The following DCLRE1C variants were observed in gnomAD, a reference collection of about 807,000 sequenced individuals.
The protein encoded by DCLRE1C is protein artemis.
Under a neutral mutation model 61.4 loss-of-function variants are expected in DCLRE1C, and 47 were observed. The ratio of observed to expected loss-of-function variants is 0.77; its 90% CI spans 0.61 to 0.98. The LOEUF (loss-of-function observed/expected upper bound fraction) is 0.98, where lower values mean the gene tolerates loss of function less well. DCLRE1C is among the 50% of genes least tolerant of loss of function. The pLI is 0.00. For missense variants in DCLRE1C, 858 were observed against 816.0 expected, an observed-to-expected ratio of 1.05 and a Z score of -0.63; for synonymous variants, 337 against 287.6, an observed-to-expected ratio of 1.17 and a Z score of -1.74.
intron 13 of DCLRE1C, among the ~76,000 whole-genome samples, chr10:14,918,594 G>A (rs1394555825): frequency 3.4e-5 from 5 of 146,524 alleles, no homozygotes; most frequent in African/African-American, 1.3e-4. Context: ...TACATGTGCA[G>A]TTTATATCAA....
At position 14,934,442 on chromosome 10, in the gene DCLRE1C, A is replaced by T; in HGVS notation, c.616T>A (p.Cys206Ser). ...TATTCATAGCCATAAGCCGCTTTGC[A>T]GTTCAGCCACACAACATGGTACGGG... is the stretch of plus-strand genomic sequence containing the variant. The part of the protein sequence containing the change: ...RSPYHVVWLN[C>S]KAAYGYEYLF... The change falls in exon 8 of 14, where the codon TGC becomes AGC. Residue 206 changes from cysteine to serine, a missense_variant. Cys to Ser is a moderately radical substitution (Grantham distance 112, BLOSUM62 -1). Coordinates refer to ENST00000378278, the MANE Select transcript of DCLRE1C (RefSeq NM_001033855.3). 1 of 1,614,212 alleles carries T rather than the reference A, an allele frequency of 6.2e-7. No individual in the cohort carries two copies. Among genetic ancestry groups the T allele is most frequent in the Non-Finnish European group, 8.5e-7 (1 of 1,180,046 alleles).
intron 3 of DCLRE1C, among the ~76,000 whole-genome samples, chr10:14,944,293 G>A (rs1226993517): frequency 1.3e-5 from 2 of 152,146 alleles, no homozygotes; most frequent in Non-Finnish European, 2.9e-5. Flanking sequence ...GAAGTCAGGA[G>A]TTTGAGACCT....
rs557596969 is a variant in DCLRE1C, at chr10:14,907,548, T to C, written c.*860A>G. Among the ~76,000 whole-genome samples the C allele has an allele frequency of 2.0e-5, 3 of 152,238 alleles. No individual in the cohort carries two copies. Among genetic ancestry groups the C allele is most frequent in the Non-Finnish European group, 4.4e-5 (3 of 68,008 alleles). On this transcript the variant is annotated 3_prime_UTR_variant, in exon 14 of 14. Coordinates refer to ENST00000378278, the MANE Select transcript of DCLRE1C (RefSeq NM_001033855.3). ...TGTAATTGTGCATTAGTTTGTCTCT[T>C]TTCAGCTGTTCTAGCTTCATAAATT... is the stretch of plus-strand genomic sequence containing the variant.
intron 12 of DCLRE1C, 75 bp from the exon 13 acceptor site, chr10:14,919,907 A>C (rs936372610): frequency 8.0e-7 from 1 of 1,250,804 alleles, no homozygotes; most frequent in Non-Finnish European, 1.2e-6. Flanking sequence ...ATAGTATTAC[A>C]AATTTTTTTG....
chr10:14,945,656 T>C, intron 2 of DCLRE1C: 1 of 711,288 alleles, frequency 1.4e-6, no homozygotes, highest in Non-Finnish European at 1.7e-6. Context: ...GTCTATTCTT[T>C]TTTTTTTTTT....
At chr10:14,953,148 G>T (rs12246982) in intron 1 of DCLRE1C, among the ~76,000 whole-genome samples, 13,899 of 152,196 alleles carry the variant, frequency 0.091, 1,307 homozygotes, top group East Asian at 0.28. Flanking sequence ...TTAGCACAAT[G>T]AGCATTAAAA....
intron 13 of DCLRE1C, among the ~76,000 whole-genome samples, chr10:14,912,247 G>A (rs1835378482): frequency 1.3e-5 from 2 of 152,092 alleles, no homozygotes; most frequent in Non-Finnish European, 2.9e-5. Flanking sequence ...GCAGAGACAA[G>A]TTTTCACCAT....
intron 9 of DCLRE1C, among the ~76,000 whole-genome samples, chr10:14,931,187 CAA>C (rs1414014522): frequency 1.3e-5 from 2 of 152,120 alleles, no homozygotes; most frequent in Admixed American, 6.5e-5. Context: ...TTAATTGAAA[CAA>C]TATTTTTTAA....
rs564029722 is a variant in DCLRE1C, at chr10:14,951,540, G to A, written c.109+2362C>T. Among the ~76,000 whole-genome samples the A allele has an allele frequency of 7.8e-4, 118 of 151,964 alleles. 1 individual carries two copies. The highest frequency in any genetic ancestry group is 1.3e-3 in the Non-Finnish European group (91 of 67,990). ...TACCATAGTTGGCCTTCACACCAGC[G>A]CTGTAAGGAAAGGTAGTGTTTTGGT... On this transcript the variant is annotated intron_variant, in intron 1 of 13. Transcript: ENST00000378278.
intron 2 of DCLRE1C, 50 bp from the exon 3 acceptor site, chr10:14,945,239 C>T: frequency 1.3e-6 from 2 of 1,541,548 alleles, no homozygotes; most frequent in Non-Finnish European, 1.8e-6. Flanking sequence ...AATGAGCCAT[C>T]TTGGTGACTA....
chr10:14,935,343 G>T (rs1839732830), intron 6 of DCLRE1C, 120 bp downstream of exon 6: 2 of 1,122,042 alleles, frequency 1.8e-6, no homozygotes, highest in Non-Finnish European at 2.6e-6. Context: ...GCACGTACCT[G>T]TTATCCCAGC....
chr10:14,941,330 C>A (rs1840818109), intron 3 of DCLRE1C, among the ~76,000 whole-genome samples: 1 of 152,138 alleles, frequency 6.6e-6, no homozygotes, highest in Non-Finnish European at 1.5e-5. Context: ...TGTTAGCCAG[C>A]CTGGAGTGCA....
Position 14,936,517 on chromosome 10 carries a change from CAAAA to C in DCLRE1C, c.362+17_362+20del. On this transcript the variant is annotated intron_variant, in intron 5 of 13. Coordinates refer to ENST00000378278, the MANE Select transcript of DCLRE1C (RefSeq NM_001033855.3). ...TATGTGTCTACATATAATAAAATGACAAAATAAATGACCCCCTTACATAACTGAT... is the reference window on the plus strand; with the variant it reads ...TATGTGTCTACATATAATAAAATGACTAAATGACCCCCTTACATAACTGAT... 1 of 1,601,280 alleles carries C rather than the reference CAAAA, an allele frequency of 6.2e-7. No individual in the cohort carries two copies. Among genetic ancestry groups the C allele is most frequent in the Non-Finnish European group, 8.6e-7 (1 of 1,168,862 alleles).
exon 14 of DCLRE1C, chr10:14,898,185 G>T (rs1394801541): frequency 2.2e-5 from 3 of 137,022 alleles, no homozygotes; most frequent in East Asian, 2.2e-4. Flanking sequence ...CCAAAACTCA[G>T]TGAGGTAGTA....
downstream of DCLRE1C, among the ~76,000 whole-genome samples, chr10:14,900,628 G>A (rs150985488): frequency 5.3e-5 from 8 of 152,058 alleles, no homozygotes; most frequent in African/African-American, 1.4e-4. Flanking sequence ...TGCATATTCC[G>A]TAAGTTTACT....
Position 14,919,542 on chromosome 10 carries a change from GAGA to G in DCLRE1C, c.1156+193_1156+195del, listed in dbSNP as rs376747171. On this transcript the variant is annotated intron_variant, in intron 13 of 13. Transcript: ENST00000378278. ...CGTTTTCACCACTTGTTTTAACCCAGAGAAGGAGAGCAGACTCCTGATTTTACA... is the reference window on the plus strand; with the variant it reads ...CGTTTTCACCACTTGTTTTAACCCAGAGGAGAGCAGACTCCTGATTTTACA... 2.8e-3 allele frequency among the ~76,000 whole-genome samples: 420 copies of G among 152,280 alleles called. 4 individuals are homozygous for G. The highest frequency in any genetic ancestry group is 9.8e-3 in the African/African-American group (406 of 41,550).
intron 3 of DCLRE1C, among the ~76,000 whole-genome samples, chr10:14,943,621 C>G (rs1040437614): frequency 9.8e-5 from 15 of 152,320 alleles, no homozygotes; most frequent in African/African-American, 3.4e-4. Context: ...GGCACGATCT[C>G]AGCTCACTGC....
In DCLRE1C at chr10:14,932,020, C is replaced by T. The variant is rs182100765; in HGVS notation, c.780+834G>A. 3.5e-4 allele frequency among the ~76,000 whole-genome samples: 53 copies of T among 150,864 alleles called. 1 individual carries two copies. The highest frequency in any genetic ancestry group is 1.2e-3 in the African/African-American group (49 of 41,036). ...CTGCACTCCAACCTGGGCAACAGAG[C>T]AAGGCTCGTCTCAAAAATAAATAAA... On this transcript the variant is annotated intron_variant, in intron 9 of 13. Transcript: ENST00000378278.
Position 14,934,515 on chromosome 10 carries a change from C to T in DCLRE1C, c.543G>A (p.Glu181=), listed in dbSNP as rs769512296. The T allele has an allele frequency of 6.2e-7, 1 of 1,614,154 alleles. No homozygotes were observed. The highest frequency in any genetic ancestry group is 2.2e-5 in the East Asian group (1 of 44,872). ...PRFYQIPSRE[E]CLSGVLELVR... ...CCAGCTCTAAGACTCCACTTAAACA[C>T]TCCTCCTAGACAGGATTTTAAAGAG... Residue 181 remains glutamate (E), a synonymous_variant, in exon 8 of 14, where the codon GAG becomes GAA. Coordinates refer to ENST00000378278, the MANE Select transcript of DCLRE1C (RefSeq NM_001033855.3).
Sources: allele counts gnomAD v4.1 joint callset (sites outside exome capture counted in the v4.1 genomes callset), GRCh38; gene constraint gnomAD v4.1.1; transcripts MANE v1.5; gene names NCBI Gene and HGNC (gene_info 2026-07-23, HGNC 2026-07-21).